The following USH2A variants were observed in gnomAD, a reference collection of about 807,000 sequenced individuals.
USH2A encodes usherin, also known as Usher syndrome 2A (autosomal recessive, mild).
USH2A carries 443 observed loss-of-function variants against 538.9 expected under a neutral mutation model. That is an observed-to-expected ratio of 0.82 (90% CI 0.76 to 0.89). USH2A has a LOEUF of 0.89. Among genes scored for constraint, USH2A ranks in the 40% least tolerant of loss-of-function variants. The pLI is 0.00. For missense variants in USH2A, 6,633 were observed against 6,324.8 expected (o/e 1.05, Z -1.65); for synonymous variants, 2,413 against 2,273.5 (o/e 1.06, Z -1.75).
At chr1:216,015,363 C>T (rs1448526887) in intron 32 of USH2A, among the ~76,000 whole-genome samples, 2 of 152,196 alleles carry the variant, frequency 1.3e-5, no homozygotes, top group African/African-American at 4.8e-5. Context: ...CCTTGCTCCA[C>T]AATTGCTTGC....
intron 32 of USH2A, among the ~76,000 whole-genome samples, chr1:216,026,526 C>T (rs1321212226): frequency 6.6e-6 from 1 of 152,138 alleles, no homozygotes; most frequent in African/African-American, 2.4e-5. Flanking sequence ...CTTAGGTCAA[C>T]TACTGTGTCT....
chr1:215,940,072 G>A (rs1666598333), intron 37 of USH2A, among the ~76,000 whole-genome samples: 1 of 152,078 alleles, frequency 6.6e-6, no homozygotes. Context: ...AATGAGAAAT[G>A]ACAGTGAACA....
chr1:215,764,617 T>C (rs1427289022), intron 56 of USH2A, among the ~76,000 whole-genome samples: 2 of 152,134 alleles, frequency 1.3e-5, no homozygotes, highest in African/African-American at 2.4e-5. Flanking sequence ...GCGTTGGCTA[T>C]GCATAAACAC....
At chr1:216,305,467 C>A (rs1189614726) in intron 9 of USH2A, among the ~76,000 whole-genome samples, 1 of 152,052 alleles carries the variant, frequency 6.6e-6, no homozygotes, top group African/African-American at 2.4e-5. Flanking sequence ...ATCCTTTCTG[C>A]CATTCTGTAT....
intron 13 of USH2A, among the ~76,000 whole-genome samples, chr1:216,245,530 G>GT (rs1291115310): frequency 2.1e-5 from 3 of 144,684 alleles, no homozygotes; most frequent in Non-Finnish European, 4.6e-5. Flanking sequence ...AAATGAATAT[G>GT]TATCAGTGGA....
intron 40 of USH2A, among the ~76,000 whole-genome samples, chr1:215,895,383 C>A (rs1665308914): frequency 6.6e-6 from 1 of 152,090 alleles, no homozygotes; most frequent in African/African-American, 2.4e-5. Flanking sequence ...AAACACAAAC[C>A]AAAATTCTAA....
At position 216,026,806 on chromosome 1, in the gene USH2A, G is replaced by A. The variant is rs1254266178; in HGVS notation, c.6325+19625C>T. Among the ~76,000 whole-genome samples, 11 of 152,234 alleles carry A rather than the reference G, an allele frequency of 7.2e-5. No homozygotes were observed. The East Asian group carries it at 9.7e-4, about 13-fold the overall frequency. On this transcript the variant is annotated intron_variant, in intron 32 of 71. Transcript: ENST00000307340. ...ATGTTATGAGAGAGGGGTACACAAA[G>A]TGGAAAACTGTTAAACCACATATGT...
At chr1:215,683,761 C>G (rs1221488712) in intron 61 of USH2A, among the ~76,000 whole-genome samples, 1 of 151,838 alleles carries the variant, frequency 6.6e-6, no homozygotes. Context: ...ACTCCTTTTC[C>G]TCTATAGAGA....
chr1:215,979,857 C>T (rs1195719742), intron 35 of USH2A, among the ~76,000 whole-genome samples: 1 of 152,120 alleles, frequency 6.6e-6, no homozygotes, highest in African/African-American at 2.4e-5. Context: ...ACTAACTTAC[C>T]CTTCTGTTCC....
intron 26 of USH2A, among the ~76,000 whole-genome samples, chr1:216,082,339 A>G (rs1299760803): frequency 9.5e-6 from 1 of 105,726 alleles, no homozygotes; most frequent in African/African-American, 3.8e-5. Context: ...CAGAGAAAGA[A>G]GCCAACAATA....
chr1:216,147,341 G>A (rs976939801), intron 21 of USH2A, among the ~76,000 whole-genome samples: 188 of 152,054 alleles, frequency 1.2e-3, no homozygotes, highest in African/African-American at 2.7e-3. Flanking sequence ...GTTTCGTTCC[G>A]TGACTAGCCC....
At chr1:216,137,588 T>G (rs2033511392) in intron 21 of USH2A, among the ~76,000 whole-genome samples, 1 of 152,058 alleles carries the variant, frequency 6.6e-6, no homozygotes, top group African/African-American at 2.4e-5. Context: ...AGTCCAATAT[T>G]CAAGGGCAGA....
At chr1:216,225,818 G>A (rs1363842191) in intron 14 of USH2A, among the ~76,000 whole-genome samples, 1 of 152,120 alleles carries the variant, frequency 6.6e-6, no homozygotes, top group Non-Finnish European at 1.5e-5. Context: ...GTAATGGTTA[G>A]TTCTGTGCTG....
intron 16 of USH2A, among the ~76,000 whole-genome samples, chr1:216,201,024 C>T (rs1254431629): frequency 3.2e-5 from 4 of 126,482 alleles, no homozygotes; most frequent in Non-Finnish European, 4.9e-5. Context: ...TTCCTTCCTT[C>T]CTTCCTTCCT....
At chr1:216,019,120 T>G (rs972320224) in intron 32 of USH2A, among the ~76,000 whole-genome samples, 4 of 152,232 alleles carry the variant, frequency 2.6e-5, no homozygotes, top group Non-Finnish European at 4.4e-5. Context: ...TCCTAGAATT[T>G]TATCTGGCTA....
At chr1:215,922,060 A>T (rs1229427719) in intron 38 of USH2A, among the ~76,000 whole-genome samples, 1 of 152,108 alleles carries the variant, frequency 6.6e-6, no homozygotes, top group East Asian at 1.9e-4. Flanking sequence ...TAGACAGCAA[A>T]CCCTAGAATC....
At chr1:215,673,363 C>T (rs1416855040) in intron 63 of USH2A, among the ~76,000 whole-genome samples, 1 of 152,124 alleles carries the variant, frequency 6.6e-6, no homozygotes, top group Non-Finnish European at 1.5e-5. Flanking sequence ...TGATTCTGTT[C>T]ATTTTACTAA....
chr1:216,406,517 T>C (rs1388253181), intron 3 of USH2A, among the ~76,000 whole-genome samples: 1 of 152,168 alleles, frequency 6.6e-6, no homozygotes, highest in Non-Finnish European at 1.5e-5. Flanking sequence ...GTTTTAAAAA[T>C]ATGCAAACCA....
At chr1:216,013,471 G>A (rs933569074) in intron 32 of USH2A, among the ~76,000 whole-genome samples, 65 of 151,836 alleles carry the variant, frequency 4.3e-4, no homozygotes, top group Non-Finnish European at 8.5e-4. Context: ...TCAGGCCTCT[G>A]AGCCCAAGCT....
Sources: allele counts gnomAD v4.1 joint callset (sites outside exome capture counted in the v4.1 genomes callset), GRCh38; gene constraint gnomAD v4.1.1; transcripts MANE v1.5; gene names NCBI Gene and HGNC (gene_info 2026-07-23, HGNC 2026-07-21).